LPP: variants seen among roughly 807,000 people sequenced by gnomAD.
LPP encodes lipoma-preferred partner.
A neutral mutation model predicts 60.4 loss-of-function variants in LPP; 38 were observed. The ratio of observed to expected loss-of-function variants is 0.63; its 90% CI spans 0.49 to 0.83. LPP has a LOEUF of 0.83. Among genes scored for constraint, LPP ranks in the 40% least tolerant of loss-of-function variants. The pLI, the probability that LPP is intolerant of heterozygous loss-of-function variation, is 0.00. For synonymous variants in LPP, 328 were observed against 290.8 expected (o/e 1.13, Z -1.30); for missense variants, 902 against 783.6 (o/e 1.15, Z -1.80).
At chr3:188,773,926 C>T (rs1008562792) in intron 9 of LPP, among the ~76,000 whole-genome samples, 10 of 152,246 alleles carry the variant, frequency 6.6e-5, no homozygotes, top group South Asian at 4.1e-4. Context: ...ATGTGTCATT[C>T]GGTAGATCTC....
intron 7 of LPP, among the ~76,000 whole-genome samples, chr3:188,627,583 C>T (rs1481009857): frequency 6.6e-6 from 1 of 152,126 alleles, no homozygotes; most frequent in African/African-American, 2.4e-5. Context: ...TTCAATTCAA[C>T]AAGAAGACTT....
intron 6 of LPP, among the ~76,000 whole-genome samples, chr3:188,535,611 C>T (rs1447572810): frequency 1.3e-5 from 2 of 151,818 alleles, no homozygotes; most frequent in African/African-American, 4.8e-5. Context: ...TAAGTGTGGC[C>T]GAAGTGAATA....
chr3:188,203,702 A>G (rs1222613457), intron 1 of LPP, among the ~76,000 whole-genome samples: 2 of 147,340 alleles, frequency 1.4e-5, no homozygotes, highest in African/African-American at 5.1e-5. Flanking sequence ...GCTGGTCTCA[A>G]ACTCCTAGGC....
intron 7 of LPP, among the ~76,000 whole-genome samples, chr3:188,614,180 C>T (rs963053333): frequency 6.6e-6 from 1 of 152,046 alleles, no homozygotes; most frequent in Non-Finnish European, 1.5e-5. Flanking sequence ...CTACCCATCT[C>T]GACCTCCCAA....
intron 6 of LPP, among the ~76,000 whole-genome samples, chr3:188,555,583 G>C (rs1829276673): frequency 6.6e-6 from 1 of 152,044 alleles, no homozygotes; most frequent in Admixed American, 6.6e-5. Context: ...AAGAGTAATA[G>C]AAGAGTCAAG....
intron 7 of LPP, among the ~76,000 whole-genome samples, chr3:188,615,165 C>A (rs1236713034): frequency 6.6e-6 from 1 of 152,200 alleles, no homozygotes; most frequent in Non-Finnish European, 1.5e-5. Flanking sequence ...CAACCAGTTG[C>A]AGAATACATT....
intron 5 of LPP, among the ~76,000 whole-genome samples, chr3:188,496,167 C>T (rs1810141276): frequency 6.6e-6 from 1 of 151,934 alleles, no homozygotes; most frequent in South Asian, 2.1e-4. Context: ...GCTCTGTTGC[C>T]CAGTCTGGAG....
At chr3:188,739,246 C>T (rs1473821320) in intron 8 of LPP, among the ~76,000 whole-genome samples, 1 of 151,978 alleles carries the variant, frequency 6.6e-6, no homozygotes, top group Admixed American at 6.6e-5. Flanking sequence ...AGAAGGGAAA[C>T]ACTGCAATAT....
At chr3:188,322,389 G>T (rs1184119189) in intron 2 of LPP, among the ~76,000 whole-genome samples, 1 of 152,116 alleles carries the variant, frequency 6.6e-6, no homozygotes, top group East Asian at 1.9e-4. Flanking sequence ...GGCTTTATGT[G>T]ATGTCATTTT....
intron 2 of LPP, among the ~76,000 whole-genome samples, chr3:188,267,960 C>A (rs1736182105): frequency 6.6e-6 from 1 of 151,760 alleles, no homozygotes; most frequent in Admixed American, 6.6e-5. Context: ...GGGACTATAG[C>A]CTCTGCCTTA....
chr3:188,766,775 GAAGA>G (rs1283734017), intron 9 of LPP, among the ~76,000 whole-genome samples: 2 of 152,170 alleles, frequency 1.3e-5, no homozygotes, highest in Non-Finnish European at 2.9e-5. Context: ...GCAAATAGAA[GAAGA>G]AAGGTATGTA....
intron 2 of LPP, among the ~76,000 whole-genome samples, chr3:188,234,698 A>T (rs1721265656): frequency 6.6e-6 from 1 of 152,224 alleles, no homozygotes; most frequent in Admixed American, 6.5e-5. Context: ...AAGTTCTAGA[A>T]GATCCATGAC....
chr3:188,329,304 C>G (rs1334412020), intron 2 of LPP, among the ~76,000 whole-genome samples: 5 of 152,190 alleles, frequency 3.3e-5, no homozygotes, highest in African/African-American at 1.2e-4. Context: ...ATTTCCTGCT[C>G]CACTTTCAGG....
chr3:188,832,650 C>T (rs1240613085), intron 9 of LPP, among the ~76,000 whole-genome samples: 1 of 152,184 alleles, frequency 6.6e-6, no homozygotes, highest in African/African-American at 2.4e-5. Flanking sequence ...GCCTCCCACC[C>T]AATAAAAGAG....
chr3:188,713,155 G>A (rs1037848845), intron 8 of LPP, among the ~76,000 whole-genome samples: 3 of 152,164 alleles, frequency 2.0e-5, no homozygotes, highest in Non-Finnish European at 4.4e-5. Flanking sequence ...AGACTGGCAT[G>A]TGCCAACTGA....
chr3:188,412,915 T>A (rs971068193), intron 4 of LPP, among the ~76,000 whole-genome samples: 1 of 152,180 alleles, frequency 6.6e-6, no homozygotes, highest in African/African-American at 2.4e-5. Flanking sequence ...TGATTGCTAA[T>A]CTACCCATGA....
At chr3:188,501,192 A>G (rs988928675) in intron 5 of LPP, among the ~76,000 whole-genome samples, 28 of 152,090 alleles carry the variant, frequency 1.8e-4, no homozygotes, top group African/African-American at 6.8e-4. Context: ...GTGTATAGCT[A>G]TAAATTGCCT....
intron 4 of LPP, among the ~76,000 whole-genome samples, chr3:188,432,939 T>C (rs1791297345): frequency 6.6e-6 from 1 of 152,114 alleles, no homozygotes; most frequent in African/African-American, 2.4e-5. Flanking sequence ...CCTAGGACCT[T>C]TAAGGTATTC....
At chr3:188,298,838 C>T (rs1230471977) in intron 2 of LPP, among the ~76,000 whole-genome samples, 1 of 152,132 alleles carries the variant, frequency 6.6e-6, no homozygotes, top group Non-Finnish European at 1.5e-5. Flanking sequence ...AGTATTTATT[C>T]TGCCCAGTGT....
Sources: allele counts gnomAD v4.1 joint callset (sites outside exome capture counted in the v4.1 genomes callset), GRCh38; gene constraint gnomAD v4.1.1; transcripts MANE v1.5; gene names NCBI Gene and HGNC (gene_info 2026-07-23, HGNC 2026-07-21).